Variants in P2RX5 observed in about 807,000 individuals in gnomAD.
P2RX5 encodes P2X purinoceptor 5.
P2RX5 carries 46 observed loss-of-function variants against 54.1 expected under a neutral mutation model. That is an observed-to-expected ratio of 0.85 (90% CI 0.67 to 1.09). P2RX5 has a LOEUF of 1.09. Ranked by LOEUF, P2RX5 falls within the 50% of genes least tolerant of loss-of-function variation. P2RX5 has a pLI of 0.00. For synonymous variants in P2RX5, 226 were observed against 226.4 expected (o/e 1.00, Z 0.02); for missense variants, 566 against 549.8 (o/e 1.03, Z -0.29).
chr17:3,676,312 G>C (rs9903340), intron 11 of P2RX5: 19,625 of 985,294 alleles, frequency 0.02, 289 homozygotes, highest in African/African-American at 0.073. Context: ...GCCAGCGTCA[G>C]GAGAAGTTCA....
the P2RX5 span, among the ~76,000 whole-genome samples, chr17:3,702,062 C>T: frequency 6.6e-6 from 1 of 152,158 alleles, no homozygotes; most frequent in Non-Finnish European, 1.5e-5. Flanking sequence ...GAGATCAAGC[C>T]AGCTGGACTT....
At chr17:3,689,383 G>A (rs923624950) in intron 7 of P2RX5, 109 bp downstream of exon 7, 9 of 1,164,620 alleles carry the variant, frequency 7.7e-6, no homozygotes, top group Non-Finnish European at 1.1e-5. Flanking sequence ...AGGTGACTTT[G>A]CAGGGCCACC....
chr17:3,717,281 TAC>T, the P2RX5 span: 1 of 154,778 alleles, frequency 6.5e-6, no homozygotes, highest in Non-Finnish European at 1.4e-5. Context: ...GCTTTGGTAA[TAC>T]ACTTTCCCCA....
At chr17:3,688,277 G>A (rs1282719796) in intron 8 of P2RX5, among the ~76,000 whole-genome samples, 172 bp from the exon 9 acceptor site, 1 of 152,138 alleles carries the variant, frequency 6.6e-6, no homozygotes, top group African/African-American at 2.4e-5. Flanking sequence ...GAGGCATCCA[G>A]CTATTTGAAA....
chr17:3,688,832 A>G, intron 7 of P2RX5, 73 bp from the exon 8 acceptor site: 2 of 1,546,356 alleles, frequency 1.3e-6, no homozygotes, highest in Non-Finnish European at 1.8e-6. Context: ...CCAGCCCTTC[A>G]CCGGCACTGG....
At chr17:3,689,114 TCTCA>T (rs1482161492) in intron 7 of P2RX5, among the ~76,000 whole-genome samples, 1 of 152,270 alleles carries the variant, frequency 6.6e-6, no homozygotes, top group Non-Finnish European at 1.5e-5. Context: ...CAGGTCTGGC[TCTCA>T]CTGACTGCCC....
chr17:3,690,861 G>C (rs1158809982), intron 3 of P2RX5, 95 bp downstream of exon 3: 11 of 1,235,150 alleles, frequency 8.9e-6, no homozygotes, highest in Non-Finnish European at 8.2e-6. Flanking sequence ...GAGACCCTTG[G>C]AGTGGACAGA....
At chr17:3,705,326 C>T in the P2RX5 span, among the ~76,000 whole-genome samples, 1 of 152,296 alleles carries the variant, frequency 6.6e-6, no homozygotes, top group South Asian at 2.1e-4. Flanking sequence ...AATGCACAGT[C>T]CTACCTGCCT....
rs758418022 is a variant in P2RX5 at position 3,688,674 on chromosome 17, C to A, written c.839G>T (p.Arg280Leu). The A allele has an allele frequency of 6.2e-7, 1 of 1,614,000 alleles. No homozygotes were observed. The highest frequency in any genetic ancestry group is 8.5e-7 in the Non-Finnish European group (1 of 1,179,914). Residue 280 changes from arginine to leucine, a missense_variant, in exon 8 of 12, where the codon CGT becomes CTT. Arg to Leu is a moderately radical substitution (Grantham distance 102). Transcript: ENST00000225328. ...AGACTTTGAAAGTTTATTGTCCAGA[C>A]GGCTAAAAGAATAGTGAGGGTGGCA... ...SECHPHYSFS[R>L]LDNKLSKSVS...
the P2RX5 span, among the ~76,000 whole-genome samples, chr17:3,712,494 C>T: frequency 6.6e-6 from 1 of 152,172 alleles, no homozygotes; most frequent in South Asian, 2.1e-4. Flanking sequence ...CCCATTACAA[C>T]CAGGTACACG....
At chr17:3,697,442 C>T (rs2050781615), upstream of P2RX5, among the ~76,000 whole-genome samples, 1 of 152,134 alleles carries the variant, frequency 6.6e-6, no homozygotes, top group South Asian at 2.1e-4. Context: ...TTTCTGCATC[C>T]TGCAGTCTGA....
intron 3 of P2RX5, 81 bp downstream of exon 3, chr17:3,690,875 C>A: frequency 7.5e-7 from 1 of 1,325,924 alleles, no homozygotes; most frequent in South Asian, 1.2e-5. Context: ...GGACAGACAC[C>A]CTTGCTTCAG....
chr17:3,712,671 C>T, the P2RX5 span, among the ~76,000 whole-genome samples: 1 of 152,172 alleles, frequency 6.6e-6, no homozygotes, highest in African/African-American at 2.4e-5. Context: ...TGGCCGGGCC[C>T]GGATTTGGCT....
chr17:3,699,814 G>A (rs1488700715), upstream of P2RX5, among the ~76,000 whole-genome samples: 1 of 121,862 alleles, frequency 8.2e-6, no homozygotes, highest in Non-Finnish European at 1.8e-5. Context: ...AAGAAAGAAA[G>A]AAAGAGAGAA....
Position 3,690,512 on chromosome 17 carries a change from C to A in P2RX5, c.448G>T (p.Gly150Cys). ...AAGTTCTCTCTCCGCAGGCAGCGGC[C>A]GGTCTTCACTCCTGCAGGGGTGGGA... ...AVTAGNGVKT[G>C]RCLRRENLAR... The change falls in exon 5 of 12, where the codon GGC (glycine) becomes TGC (cysteine). Residue 150 changes from glycine to cysteine, a missense_variant. Gly to Cys is a radical substitution (Grantham distance 159). Coordinates refer to ENST00000225328, the MANE Select transcript of P2RX5 (RefSeq NM_002561.4). The A allele has an allele frequency of 1.2e-6, 2 of 1,613,572 alleles. No individual in the cohort carries two copies. The highest frequency in any genetic ancestry group is 1.7e-6 in the Non-Finnish European group (2 of 1,179,906).
At chr17:3,715,304 C>A in the P2RX5 span, among the ~76,000 whole-genome samples, 9 of 152,310 alleles carry the variant, frequency 5.9e-5, no homozygotes, top group South Asian at 1.9e-3. Context: ...TCAAGTACAG[C>A]TTCCTACATC....
chr17:3,699,075 ACACACACACACACACACACC>A (rs1244525974), upstream of P2RX5, among the ~76,000 whole-genome samples: 1 of 106,256 alleles, frequency 9.4e-6, no homozygotes, highest in Admixed American at 1.2e-4. Flanking sequence ...ACACACACAC[ACACACACACACACACACACC>A]TATATATATA....
intron 11 of P2RX5, chr17:3,677,904 TC>T (rs1412621674): frequency 6.1e-6 from 6 of 985,250 alleles, no homozygotes; most frequent in Non-Finnish European, 7.2e-6. Context: ...ATTGGGAGGC[TC>T]CCCTCCTCAC....
chr17:3,699,969 A>G (rs943654471), upstream of P2RX5, among the ~76,000 whole-genome samples: 13 of 139,080 alleles, frequency 9.3e-5, no homozygotes, highest in Non-Finnish European at 2.0e-4. Flanking sequence ...AAAGAAAGAA[A>G]GAAAGAAAAT....
Sources: allele counts gnomAD v4.1 joint callset (sites outside exome capture counted in the v4.1 genomes callset), GRCh38; gene constraint gnomAD v4.1.1; transcripts MANE v1.5; gene names NCBI Gene and HGNC (gene_info 2026-07-23, HGNC 2026-07-21).